TPGS2: variants seen among roughly 807,000 people sequenced by gnomAD.
The protein encoded by TPGS2 is tubulin polyglutamylase complex subunit 2.
TPGS2 carries 26 observed loss-of-function variants against 31.1 expected under a neutral mutation model. The observed-to-expected ratio is 0.84, with a 90% CI of 0.61 to 1.16. The LOEUF (loss-of-function observed/expected upper bound fraction) is 1.16, where lower values mean the gene tolerates loss of function less well. TPGS2 is among the 50% of genes most tolerant of loss of function. The pLI is 0.00. For synonymous variants in TPGS2, 130 were observed against 136.6 expected, an observed-to-expected ratio of 0.95 and a Z score of 0.34; for missense variants, 351 against 363.8, an observed-to-expected ratio of 0.96 and a Z score of 0.29.
chr18:36,809,284 T>C (rs1001455308), intron 2 of TPGS2, among the ~76,000 whole-genome samples: 2 of 152,194 alleles, frequency 1.3e-5, no homozygotes, highest in Admixed American at 6.5e-5. Flanking sequence ...AGGAAATTAT[T>C]ATTATTCACA....
At chr18:36,786,849 T>C (rs1426668499) in intron 6 of TPGS2, 1 of 1,234,280 alleles carries the variant, frequency 8.1e-7, no homozygotes, top group Non-Finnish European at 1.0e-6. Context: ...CAGTGAAAAA[T>C]AGCACATTCT....
In TPGS2 at chr18:36,796,200, T is replaced by C. The variant is rs1374194248; in HGVS notation, c.*605A>G. On this transcript the variant is annotated 3_prime_UTR_variant, in exon 7 of 7. Coordinates refer to ENST00000334295, the MANE Select transcript of TPGS2 (RefSeq NM_015476.4). The stretch of plus-strand genomic sequence containing the variant: ...TCATGGAACATTATGACCCATCCAA[T>C]GAAGACATCAACATTAACAACAAAA... The C allele has an allele frequency of 1.0e-6, 1 of 985,264 alleles. No individual in the cohort carries two copies. Among genetic ancestry groups the C allele is most frequent in the Non-Finnish European group, 1.2e-6 (1 of 829,926 alleles). 61.0% of individuals were successfully genotyped at this position (985,264 alleles called of 1,614,324 possible).
chr18:36,801,541 C>T (rs2044817033), intron 4 of TPGS2, among the ~76,000 whole-genome samples: 1 of 152,112 alleles, frequency 6.6e-6, no homozygotes, highest in Non-Finnish European at 1.5e-5. Context: ...GCTATGTTGC[C>T]TAGGCTGATC....
chr18:36,782,940 C>T (rs2044050596), downstream of TPGS2: 1 of 395,828 alleles, frequency 2.5e-6, no homozygotes. Context: ...AAATGCCTGC[C>T]AGCTCAGTGG....
chr18:36,817,838 G>A (rs1464135209), intron 2 of TPGS2: 2 of 152,128 alleles, frequency 1.3e-5, no homozygotes, highest in Non-Finnish European at 2.9e-5. Flanking sequence ...AATGACTTAT[G>A]GGGTAAGTGT....
chr18:36,788,584 G>A (rs919195393), intron 6 of TPGS2: 7 of 152,170 alleles, frequency 4.6e-5, no homozygotes, highest in Non-Finnish European at 1.0e-4. Context: ...ACTATGTTCA[G>A]GCTGTTTATG....
rs766414939 is a variant in TPGS2 at position 36,807,896 on chromosome 18, A to AAAG, written c.201_203dup (p.Phe68dup). On this transcript the variant is annotated inframe_insertion, in exon 3 of 7. Transcript: ENST00000334295. ...TGTGGAAGCCATTGGTCATCAGGTA[A>AAAG]AAGTTCTTCACATCTTCAGGCATCA... 3 of 1,614,150 alleles carry AAAG rather than the reference A, an allele frequency of 1.9e-6. No homozygotes were observed. In the African/African-American group the frequency reaches 4.0e-5, roughly 22 times the overall value.
chr18:36,823,457 C>CTTTTTT (rs1193182256), intron 1 of TPGS2, among the ~76,000 whole-genome samples: 3 of 107,084 alleles, frequency 2.8e-5, no homozygotes, highest in African/African-American at 9.9e-5. Context: ...TTGTTAACAG[C>CTTTTTT]TTGTTTTTTT....
chr18:36,781,733 CAA>C, downstream of TPGS2: 1 of 983,958 alleles, frequency 1.0e-6, no homozygotes, highest in Non-Finnish European at 1.2e-6. Flanking sequence ...CTTAAAAAGC[CAA>C]AGACTATATT....
chr18:36,793,454 CAGAA>C (rs886944648), downstream of TPGS2, among the ~76,000 whole-genome samples: 34 of 152,166 alleles, frequency 2.2e-4, no homozygotes, highest in African/African-American at 7.2e-4. Context: ...GCTTCAAACA[CAGAA>C]AGAAGGCAAT....
At chr18:36,800,154 G>C (rs1295183338) in intron 5 of TPGS2, 44 bp downstream of exon 5, 5 of 1,565,962 alleles carry the variant, frequency 3.2e-6, no homozygotes, top group African/African-American at 1.4e-5. Context: ...GGTCAGGCAA[G>C]ACCCTAGCCA....
intron 2 of TPGS2, among the ~76,000 whole-genome samples, chr18:36,814,819 A>G (rs2045584256): frequency 6.6e-6 from 1 of 152,230 alleles, no homozygotes; most frequent in Non-Finnish European, 1.5e-5. Context: ...TGTACCATAC[A>G]GTCCTTAGAG....
At chr18:36,806,883 T>TAAAAAAAAAA (rs2045169708) in intron 3 of TPGS2, among the ~76,000 whole-genome samples, 1 of 61,324 alleles carries the variant, frequency 1.6e-5, no homozygotes, top group African/African-American at 1.0e-4. Flanking sequence ...AAAAAAAAAG[T>TAAAAAAAAAA]ACCTCTGACC....
intron 1 of TPGS2, 40 bp downstream of exon 1, chr18:36,828,643 C>T (rs375386743): frequency 2.9e-5 from 47 of 1,610,096 alleles, no homozygotes; most frequent in Non-Finnish European, 3.7e-5. Flanking sequence ...CTCCTTCCTT[C>T]TCCTCCACAC....
downstream of TPGS2, among the ~76,000 whole-genome samples, chr18:36,790,437 T>A (rs1324547296): frequency 2.0e-5 from 3 of 152,222 alleles, no homozygotes; most frequent in Admixed American, 6.5e-5. Context: ...GCTACATTTA[T>A]CAAGGATGGT....
intron 2 of TPGS2, among the ~76,000 whole-genome samples, chr18:36,816,075 T>C (rs1046432128): frequency 1.3e-5 from 2 of 152,244 alleles, no homozygotes. Context: ...CAAATCTACG[T>C]ATCTGATTAT....
At chr18:36,811,240 G>A (rs1303565271) in intron 2 of TPGS2, among the ~76,000 whole-genome samples, 1 of 152,202 alleles carries the variant, frequency 6.6e-6, no homozygotes, top group Non-Finnish European at 1.5e-5. Flanking sequence ...GAGGGATGGT[G>A]TGAGATCCCC....
chr18:36,796,960 T>G lies in TPGS2; in HGVS notation c.748A>C (p.Lys250Gln). ...ATCTTGTTCTTGCTCTTAAACACTT[T>G]GCTGGGATCTAGCTTATTCACAAAG... is the stretch of plus-strand genomic sequence containing the variant. The part of the protein sequence containing the change: ...DSFVNKLDPS[K>Q]VFKSKNKIVI... The change falls in exon 7 of 7, where the codon AAA becomes CAA. Residue 250 changes from lysine to glutamine, a missense_variant. Physicochemically the swap from Lys to Gln is moderately conservative, Grantham distance 53 (BLOSUM62 1). Transcript: ENST00000334295. The G allele has an allele frequency of 1.2e-6, 2 of 1,605,400 alleles. No homozygotes were observed. Among genetic ancestry groups the G allele is most frequent in the Non-Finnish European group, 1.7e-6 (2 of 1,177,380 alleles).
Position 36,794,478 on chromosome 18 carries a change from T to G in TPGS2, c.*2327A>C. ...TCACTTGTGGAATCCAGGGCTGATTTAGAAATGCTGTGATTCGGGGGATCT... is the reference window on the plus strand; with the variant it reads ...TCACTTGTGGAATCCAGGGCTGATTGAGAAATGCTGTGATTCGGGGGATCT... On this transcript the variant is annotated 3_prime_UTR_variant, in exon 7 of 7. Transcript: ENST00000334295. 2 of 985,452 alleles carry G rather than the reference T, an allele frequency of 2.0e-6. No individual in the cohort carries two copies. Among genetic ancestry groups the G allele is most frequent in the South Asian group, 9.4e-5 (2 of 21,284 alleles). The allele number at this position is 985,452 out of a possible 1,614,324, so 61.0% of individuals were successfully genotyped here.
Sources: gnomAD v4.1 joint callset for allele counts (sites outside exome capture counted in the v4.1 genomes callset) on GRCh38, gnomAD v4.1.1 for gene constraint, MANE v1.5 for transcripts, NCBI Gene and HGNC (gene_info 2026-07-23, HGNC 2026-07-21) for gene names.